The following CDH8 variants were observed in gnomAD, a reference collection of about 807,000 sequenced individuals.
The protein encoded by CDH8 is cadherin 8, also known as cadherin-8.
A neutral mutation model predicts 68.1 loss-of-function variants in CDH8; 17 were observed. The ratio of observed to expected loss-of-function variants is 0.25; its 90% CI spans 0.17 to 0.37. The LOEUF (loss-of-function observed/expected upper bound fraction) is 0.37, where lower values mean the gene tolerates loss of function less well. CDH8 is among the 10% of genes least tolerant of loss of function. The pLI is 1.00. For synonymous variants in CDH8, 372 were observed against 365.1 expected, an observed-to-expected ratio of 1.02 and a Z score of -0.21; for missense variants, 763 against 999.3, an observed-to-expected ratio of 0.76 and a Z score of 3.19.
At chr16:61,794,529 G>T (rs1961453640) in intron 7 of CDH8, among the ~76,000 whole-genome samples, 1 of 151,952 alleles carries the variant, frequency 6.6e-6, no homozygotes, top group Admixed American at 6.6e-5. Context: ...ATAAGGAAAA[G>T]ACTGTAAGAT....
At chr16:61,797,896 T>C (rs1961534364) in intron 7 of CDH8, among the ~76,000 whole-genome samples, 1 of 152,140 alleles carries the variant, frequency 6.6e-6, no homozygotes, top group Non-Finnish European at 1.5e-5. Context: ...TCCAAATCTA[T>C]GTCAATTCAT....
intron 7 of CDH8, among the ~76,000 whole-genome samples, chr16:61,802,044 C>T (rs1160231810): frequency 6.9e-6 from 1 of 144,738 alleles, no homozygotes; most frequent in Non-Finnish European, 1.5e-5. Context: ...CAGCAGAAAC[C>T]TCTGCAGACT....
intron 4 of CDH8, among the ~76,000 whole-genome samples, chr16:61,839,446 T>C (rs1962639224): frequency 3.3e-5 from 5 of 152,204 alleles, no homozygotes; most frequent in African/African-American, 9.6e-5. Flanking sequence ...TCAAATGATC[T>C]GGTATTATGA....
At chr16:61,654,185 G>A in intron 11 of CDH8, 84 bp from the exon 12 acceptor site, 1 of 1,259,012 alleles carries the variant, frequency 7.9e-7, no homozygotes, top group South Asian at 1.5e-5. Flanking sequence ...GGAGAGAGGG[G>A]TATTTTTACA....
At chr16:61,817,403 A>T in intron 7 of CDH8, 76 bp downstream of exon 7, 1 of 1,427,290 alleles carries the variant, frequency 7.0e-7, no homozygotes, top group Non-Finnish European at 9.9e-7. Context: ...GCCCCACAGA[A>T]GGTACAAGCA....
At chr16:61,761,132 TTTAAAA>T (rs1223656592) in intron 8 of CDH8, among the ~76,000 whole-genome samples, 1 of 152,182 alleles carries the variant, frequency 6.6e-6, no homozygotes, top group Non-Finnish European at 1.5e-5. Context: ...TTATGATACT[TTTAAAA>T]TTAAGAAGAA....
chr16:61,779,459 G>GTGTGTA (rs1960989404), intron 8 of CDH8, among the ~76,000 whole-genome samples: 1 of 149,398 alleles, frequency 6.7e-6, no homozygotes, highest in Non-Finnish European at 1.5e-5. Context: ...GTGTGTGTGT[G>GTGTGTA]TGTGTGCGCG....
At position 62,035,729 on chromosome 16, in the gene CDH8, C is replaced by A. The variant is rs149867277; in HGVS notation, c.-200+351G>T. ...CGCAGTGAAGGCGCGCGGCTGCAGC[C>A]GCGCCTGCCTGCGTTGGGAAGCGGC... On this transcript the variant is annotated intron_variant, in intron 1 of 11. Coordinates refer to ENST00000577390, the MANE Select transcript of CDH8 (RefSeq NM_001796.5). Among the ~76,000 whole-genome samples, 475 of 152,166 alleles carry A rather than the reference C, an allele frequency of 3.1e-3. 3 individuals carry two copies. Among genetic ancestry groups the A allele is most frequent in the African/African-American group, 0.011 (443 of 41,526 alleles).
At chr16:61,887,574 G>A (rs988051558) in intron 3 of CDH8, among the ~76,000 whole-genome samples, 5 of 151,980 alleles carry the variant, frequency 3.3e-5, no homozygotes, top group African/African-American at 1.2e-4. Context: ...TTGTGTGTCC[G>A]GATTTCCTCT....
intron 9 of CDH8, among the ~76,000 whole-genome samples, chr16:61,714,616 C>T (rs569786163): frequency 4.6e-5 from 7 of 151,632 alleles, no homozygotes; most frequent in Admixed American, 3.3e-4. Context: ...TACTTGGAAT[C>T]GGTGCTTATT....
At position 61,955,431 on chromosome 16, in the gene CDH8, T is replaced by C. The variant is rs112186480; in HGVS notation, c.253-53958A>G. Reference sequence around the variant, plus strand: ...TTTTCTGTATGCCACCGTCCTTTTCTGTTCATAAACCTTGTACTACATGGC... The same window carrying C: ...TTTTCTGTATGCCACCGTCCTTTTCCGTTCATAAACCTTGTACTACATGGC... On this transcript the variant is annotated intron_variant, in intron 2 of 11. Transcript: ENST00000577390. 2.5e-4 allele frequency among the ~76,000 whole-genome samples: 38 copies of C among 152,360 alleles called. 1 individual carries two copies. Among genetic ancestry groups the C allele is most frequent in the African/African-American group, 8.9e-4 (37 of 41,592 alleles).
intron 8 of CDH8, among the ~76,000 whole-genome samples, chr16:61,770,230 G>A (rs1156854226): frequency 1.3e-5 from 2 of 151,882 alleles, no homozygotes; most frequent in African/African-American, 4.8e-5. Flanking sequence ...GGATTAAGTA[G>A]CATCTTAAAT....
At chr16:61,967,843 T>G (rs1368927534) in intron 2 of CDH8, among the ~76,000 whole-genome samples, 1 of 152,198 alleles carries the variant, frequency 6.6e-6, no homozygotes, top group Non-Finnish European at 1.5e-5. Context: ...AGTTTCGCTC[T>G]TGTTACCCAG....
intron 5 of CDH8, among the ~76,000 whole-genome samples, chr16:61,824,436 A>G (rs1169349495): frequency 1.3e-5 from 2 of 151,904 alleles, no homozygotes; most frequent in Admixed American, 6.6e-5. Flanking sequence ...GTGTTCGATG[A>G]GAGTAAAGAA....
chr16:61,669,714 G>T (rs1321405905), intron 10 of CDH8, among the ~76,000 whole-genome samples: 1 of 151,884 alleles, frequency 6.6e-6, no homozygotes, highest in Non-Finnish European at 1.5e-5. Context: ...TTTGTATCTC[G>T]ATTTAAATTT....
intron 10 of CDH8, among the ~76,000 whole-genome samples, chr16:61,670,509 C>T (rs1472625068): frequency 2.6e-5 from 4 of 151,876 alleles, no homozygotes; most frequent in African/African-American, 7.3e-5. Context: ...TGATCTTGAA[C>T]TTATTATTAC....
intron 2 of CDH8, among the ~76,000 whole-genome samples, chr16:61,966,450 AT>A (rs1965253957): frequency 6.6e-6 from 1 of 152,078 alleles, no homozygotes; most frequent in Non-Finnish European, 1.5e-5. Flanking sequence ...AGGCAGGAGA[AT>A]TGCTTGAACC....
chr16:61,721,191 A>G (rs903927492), intron 9 of CDH8, among the ~76,000 whole-genome samples: 3 of 150,914 alleles, frequency 2.0e-5, no homozygotes, highest in Non-Finnish European at 4.5e-5. Context: ...CTCTCTTGAA[A>G]TGTGTTTTGC....
intron 8 of CDH8, among the ~76,000 whole-genome samples, chr16:61,783,496 A>T (rs973169290): frequency 1.3e-5 from 2 of 151,958 alleles, no homozygotes; most frequent in Non-Finnish European, 1.5e-5. Flanking sequence ...GAATGGAACC[A>T]AGTTGGAAAA....
Sources: allele counts gnomAD v4.1 joint callset (sites outside exome capture counted in the v4.1 genomes callset), GRCh38; gene constraint gnomAD v4.1.1; transcripts MANE v1.5; gene names NCBI Gene and HGNC (gene_info 2026-07-23, HGNC 2026-07-21).